PSAP: variants seen among roughly 807,000 people sequenced by gnomAD.
The protein encoded by PSAP is precursor of saposins.
Under a neutral mutation model 66.0 loss-of-function variants are expected in PSAP, and 25 were observed. That is an observed-to-expected ratio of 0.38 (90% CI 0.28 to 0.53). The LOEUF is 0.53. Ranked by LOEUF, PSAP falls within the 20% of genes least tolerant of loss-of-function variation. The probability of loss-of-function intolerance (pLI) is 0.83; values close to 1 mark genes in which losing one functional copy is unlikely to be tolerated. For missense variants in PSAP, 649 were observed against 668.8 expected, an observed-to-expected ratio of 0.97 and a Z score of 0.33; for synonymous variants, 273 against 258.9, an observed-to-expected ratio of 1.05 and a Z score of -0.52.
intron 1 of PSAP, among the ~76,000 whole-genome samples, chr10:71,840,239 G>C (rs563410241): frequency 5.7e-4 from 86 of 151,924 alleles, no homozygotes; most frequent in Admixed American, 9.2e-4. Flanking sequence ...CTGACAATCA[G>C]AGCCTACATT....
intron 9 of PSAP, 73 bp downstream of exon 9, chr10:71,820,167 G>A: frequency 7.5e-7 from 1 of 1,340,204 alleles, no homozygotes; most frequent in Non-Finnish European, 1.1e-6. Flanking sequence ...TCTCTCCTGT[G>A]GGACTTTCCC....
In PSAP at chr10:71,817,025, A is replaced by G; in HGVS notation, c.*416T>C. The stretch of plus-strand genomic sequence containing the variant: ...CCCAGGAAAGCGGGGAGGGTCCCTG[A>G]TCAGGGCAGGAGGCCACCTCAGAAG... On this transcript the variant is annotated 3_prime_UTR_variant, in exon 14 of 14. Transcript: ENST00000394936. The G allele has an allele frequency of 3.6e-6, 1 of 279,464 alleles. No individual in the cohort carries two copies. Among genetic ancestry groups the G allele is most frequent in the African/African-American group, 2.2e-5 (1 of 46,206 alleles). The allele number at this position is 279,464 out of a possible 1,614,324, so 17.3% of individuals were successfully genotyped here.
rs749019443 is a variant in PSAP, at chr10:71,821,959, C to T, written c.826G>A (p.Glu276Lys). 8.1e-6 allele frequency: 13 copies of T among 1,614,094 alleles called. No homozygotes were observed. In the South Asian group the frequency reaches 1.4e-4, roughly 18 times the overall value. Residue 276 changes from glutamate to lysine, a missense_variant, in exon 8 of 14, where the codon GAG becomes AAG. Physicochemically the swap from Glu to Lys is moderately conservative, Grantham distance 56 (BLOSUM62 1). Coordinates refer to ENST00000394936, the MANE Select transcript of PSAP (RefSeq NM_002778.4). ...GGGACCAGAGTCTGCATGGGCATCT[C>T]TTTCACCTCATCACAGAACCCAACC... ...ALVGFCDEVK[E>K]MPMQTLVPAK...
intron 1 of PSAP, among the ~76,000 whole-genome samples, chr10:71,850,265 GCT>G (rs138033871): frequency 2.0e-5 from 3 of 152,104 alleles, no homozygotes; most frequent in East Asian, 1.9e-4. Context: ...CAACGTGCTC[GCT>G]CTCTTAGTCG....
At chr10:71,830,370 C>T (rs575471780) in intron 4 of PSAP, among the ~76,000 whole-genome samples, 1 of 152,348 alleles carries the variant, frequency 6.6e-6, no homozygotes, top group East Asian at 1.9e-4. Flanking sequence ...TCACATCTCA[C>T]TCACAAAGCA....
chr10:71,819,179 C>T (rs1842239988), intron 11 of PSAP, 68 bp from the exon 12 acceptor site: 8 of 1,386,988 alleles, frequency 5.8e-6, no homozygotes, highest in Middle Eastern at 1.8e-4. Flanking sequence ...CACAAAAGGC[C>T]AGGCAGGCCC....
At chr10:71,822,129 C>G in intron 7 of PSAP, 122 bp from the exon 8 acceptor site, 1 of 1,347,964 alleles carries the variant, frequency 7.4e-7, no homozygotes, top group Non-Finnish European at 1.0e-6. Flanking sequence ...CTACCTCCCT[C>G]TCCCCCTCCC....
intron 1 of PSAP, among the ~76,000 whole-genome samples, chr10:71,840,381 ACTTCCAT>A: frequency 6.6e-6 from 1 of 152,212 alleles, no homozygotes; most frequent in African/African-American, 2.4e-5. Flanking sequence ...GAATTCATGC[ACTTCCAT>A]CCCCTAAGAG....
In PSAP at chr10:71,831,570, G is replaced by A. The variant is rs115353921; in HGVS notation, c.249+276C>T. 1.6e-3 allele frequency among the ~76,000 whole-genome samples: 245 copies of A among 152,292 alleles called. 1 individual carries two copies. Among genetic ancestry groups the A allele is most frequent in the African/African-American group, 5.2e-3 (216 of 41,554 alleles). On this transcript the variant is annotated intron_variant, in intron 3 of 13. Coordinates refer to ENST00000394936, the MANE Select transcript of PSAP (RefSeq NM_002778.4). Reference sequence around the variant, plus strand: ...CAATTAACTTTGGGCATTTAGTCCCGGGGTCAGCAAAGTAGGCCCTTCAGC... The same window carrying A: ...CAATTAACTTTGGGCATTTAGTCCCAGGGTCAGCAAAGTAGGCCCTTCAGC...
chr10:71,819,154 C>T, intron 11 of PSAP, 43 bp from the exon 12 acceptor site: 2 of 1,554,838 alleles, frequency 1.3e-6, no homozygotes, highest in Admixed American at 1.7e-5. Context: ...CTGGGGGTGT[C>T]CGAGCATAGT....
intron 7 of PSAP, chr10:71,822,698 T>C (rs867253117): frequency 1.1e-5 from 5 of 467,482 alleles, no homozygotes; most frequent in Non-Finnish European, 1.3e-5. Context: ...GACAAGTGTA[T>C]AGACTCTGTA....
chr10:71,840,083 G>A (rs972453378), intron 1 of PSAP, among the ~76,000 whole-genome samples: 4 of 151,950 alleles, frequency 2.6e-5, no homozygotes, highest in Admixed American at 2.6e-4. Context: ...TTCCTAGAAT[G>A]TGATAAAACA....
intron 4 of PSAP, 90 bp from the exon 5 acceptor site, chr10:71,829,167 T>C: frequency 8.3e-7 from 1 of 1,204,818 alleles, no homozygotes; most frequent in Non-Finnish European, 1.2e-6. Flanking sequence ...AGTCCCTCTC[T>C]TTAAATCCCT....
At chr10:71,825,328 G>T (rs1242842906) in intron 7 of PSAP, among the ~76,000 whole-genome samples, 1 of 152,196 alleles carries the variant, frequency 6.6e-6, no homozygotes, top group Non-Finnish European at 1.5e-5. Flanking sequence ...TTTCCTGAAT[G>T]GGTATTCTTG....
rs147030327 is a variant in PSAP at position 71,819,588 on chromosome 10, G to A, written c.1227C>T (p.Cys409=). 49 of 1,614,180 alleles carry A rather than the reference G, an allele frequency of 3.0e-5. No individual in the cohort carries two copies. Among genetic ancestry groups the A allele is most frequent in the South Asian group, 7.7e-5 (7 of 91,086 alleles). ...HVTQPKDGGF[C]EVCKKLVGYL... ...AACCCACCAGCTTCTTGCACACTTC[G>A]CAGAAGCCACCGTCCTTTGGCTGAG... The change falls in exon 11 of 14, where the codon TGC becomes TGT. Residue 409 remains cysteine (C), a synonymous_variant. Coordinates refer to ENST00000394936, the MANE Select transcript of PSAP (RefSeq NM_002778.4).
At chr10:71,823,666 C>T (rs1842346803) in intron 7 of PSAP, among the ~76,000 whole-genome samples, 1 of 152,162 alleles carries the variant, frequency 6.6e-6, no homozygotes, top group South Asian at 2.1e-4. Flanking sequence ...CTTCATTTTA[C>T]TGGACCCCGA....
intron 1 of PSAP, 103 bp from the exon 2 acceptor site, chr10:71,834,608 C>T (rs1842587009): frequency 2.8e-6 from 4 of 1,444,328 alleles, no homozygotes; most frequent in Non-Finnish European, 3.8e-6. Flanking sequence ...GAGCTGGACT[C>T]TGCTACTCAG....
chr10:71,836,827 G>A (rs941253239), intron 1 of PSAP, among the ~76,000 whole-genome samples: 47 of 152,194 alleles, frequency 3.1e-4, no homozygotes, highest in African/African-American at 1.1e-3. Context: ...ACAGGCCCAT[G>A]TGAGAATACT....
intron 1 of PSAP, among the ~76,000 whole-genome samples, chr10:71,838,481 G>A (rs1188635859): frequency 6.6e-6 from 1 of 152,250 alleles, no homozygotes; most frequent in African/African-American, 2.4e-5. Flanking sequence ...TTCCACCAGG[G>A]TGTGGAGCTG....
Sources: allele counts gnomAD v4.1 joint callset (sites outside exome capture counted in the v4.1 genomes callset), GRCh38; gene constraint gnomAD v4.1.1; transcripts MANE v1.5; gene names NCBI Gene and HGNC (gene_info 2026-07-23, HGNC 2026-07-21).